CTNNA3: variants seen among roughly 807,000 people sequenced by gnomAD.
CTNNA3 encodes the protein catenin alpha-3.
Under a neutral mutation model 95.7 loss-of-function variants are expected in CTNNA3, and 76 were observed. The ratio of observed to expected loss-of-function variants is 0.79; its 90% confidence interval spans 0.66 to 0.96. The LOEUF is 0.96. Among genes scored for constraint, CTNNA3 ranks in the 40% least tolerant of loss-of-function variants. CTNNA3 has a pLI of 0.00. For synonymous variants in CTNNA3, 431 were observed against 374.4 expected (o/e 1.15, Z -1.74); for missense variants, 1,191 against 1,089.8 (o/e 1.09, Z -1.31).
chr10:66,619,906 T>C (rs1335904659), intron 10 of CTNNA3, among the ~76,000 whole-genome samples: 13 of 152,034 alleles, frequency 8.6e-5, no homozygotes, highest in Admixed American at 7.9e-4. Context: ...ACAATGGAAA[T>C]ATTTATAAGT....
chr10:67,650,764 A>T (rs572529710), intron 1 of CTNNA3, among the ~76,000 whole-genome samples: 1 of 152,344 alleles, frequency 6.6e-6, no homozygotes, highest in South Asian at 2.1e-4. Context: ...TTACAGCACG[A>T]ACCACGTTGT....
intron 13 of CTNNA3, among the ~76,000 whole-genome samples, chr10:66,255,440 G>C (rs547265505): frequency 2.8e-4 from 42 of 152,176 alleles, no homozygotes; most frequent in African/African-American, 8.7e-4. Context: ...TATATTCAGA[G>C]ACCCCATATG....
intron 14 of CTNNA3, among the ~76,000 whole-genome samples, chr10:66,084,457 A>G (rs2080901995): frequency 1.3e-5 from 2 of 152,312 alleles, no homozygotes; most frequent in South Asian, 4.1e-4. Flanking sequence ...GCAATTTGTA[A>G]TACCTTGAAA....
intron 16 of CTNNA3, among the ~76,000 whole-genome samples, chr10:65,983,814 G>C (rs1335458702): frequency 6.6e-6 from 1 of 151,264 alleles, no homozygotes; most frequent in Non-Finnish European, 1.5e-5. Context: ...CAATGCCAGA[G>C]TAGTGAATTG....
intron 10 of CTNNA3, among the ~76,000 whole-genome samples, chr10:66,603,838 C>A (rs1564562603): frequency 6.6e-6 from 1 of 152,116 alleles, no homozygotes; most frequent in Non-Finnish European, 1.5e-5. Context: ...GAAAGACAGT[C>A]TCTTTAATAA....
At chr10:66,241,078 C>G (rs1426315662) in intron 13 of CTNNA3, among the ~76,000 whole-genome samples, 1 of 151,910 alleles carries the variant, frequency 6.6e-6, no homozygotes, top group Admixed American at 6.6e-5. Flanking sequence ...AAAATGAGCC[C>G]TTCAAACTCA....
chr10:66,447,131 C>T (rs965189998), intron 11 of CTNNA3, among the ~76,000 whole-genome samples: 4 of 151,736 alleles, frequency 2.6e-5, no homozygotes, highest in Non-Finnish European at 5.9e-5. Flanking sequence ...ATGTGAAGGG[C>T]CTCTTCAAGG....
Position 66,425,673 on chromosome 10 carries a change from AAG to A in CTNNA3, c.1532-46323_1532-46322del, listed in dbSNP as rs2093233587. 3.0e-5 allele frequency among the ~76,000 whole-genome samples: 4 copies of A among 133,418 alleles called. No individual in the cohort carries two copies. In the South Asian group the frequency reaches 8.0e-4, roughly 27 times the overall value. 87.5% of individuals were successfully genotyped at this position (133,418 alleles called of 152,430 possible). ...TTTAATGTGCTACATTCTTCATATA[AAG>A]ATATATATATATACACACACACACA... On this transcript the variant is annotated intron_variant, in intron 11 of 17. Transcript: ENST00000433211.
intron 1 of CTNNA3, among the ~76,000 whole-genome samples, chr10:67,736,222 T>C (rs1314769034): frequency 7.2e-5 from 11 of 152,018 alleles, no homozygotes; most frequent in Admixed American, 7.2e-4. Context: ...ATTCCACTTA[T>C]ATGAGAGACC....
At chr10:66,569,062 T>A (rs1842791910) in intron 10 of CTNNA3, among the ~76,000 whole-genome samples, 1 of 151,940 alleles carries the variant, frequency 6.6e-6, no homozygotes, top group Non-Finnish European at 1.5e-5. Flanking sequence ...AGGAAGAAGC[T>A]AGAGAATAAA....
At chr10:66,146,511 A>G (rs2083893522) in intron 13 of CTNNA3, among the ~76,000 whole-genome samples, 1 of 152,146 alleles carries the variant, frequency 6.6e-6, no homozygotes, top group African/African-American at 2.4e-5. Flanking sequence ...AGACAATAGG[A>G]TAAGACAAAT....
At chr10:67,088,149 G>C (rs1857416443) in intron 7 of CTNNA3, among the ~76,000 whole-genome samples, 2 of 151,462 alleles carry the variant, frequency 1.3e-5, no homozygotes, top group Admixed American at 1.3e-4. Context: ...GGGGAGATAA[G>C]AAATGCTTTT....
chr10:66,391,175 A>G, intron 11 of CTNNA3, among the ~76,000 whole-genome samples: 1 of 152,092 alleles, frequency 6.6e-6, no homozygotes, highest in Admixed American at 6.6e-5. Flanking sequence ...AGACAGCTCG[A>G]ATTTAGTTGA....
chr10:66,717,009 G>T (rs1463827258), intron 9 of CTNNA3, among the ~76,000 whole-genome samples: 1 of 150,628 alleles, frequency 6.6e-6, no homozygotes, highest in Non-Finnish European at 1.5e-5. Flanking sequence ...CAGTAAGTTG[G>T]AAGCCATAAA....
intron 7 of CTNNA3, among the ~76,000 whole-genome samples, chr10:66,918,617 A>G (rs1455526275): frequency 6.6e-6 from 1 of 152,244 alleles, no homozygotes; most frequent in Non-Finnish European, 1.5e-5. Flanking sequence ...GTGGCATCCA[A>G]CACATCAATG....
intron 11 of CTNNA3, among the ~76,000 whole-genome samples, chr10:66,445,872 A>C (rs1177865060): frequency 2.0e-5 from 3 of 152,182 alleles, no homozygotes; most frequent in Admixed American, 6.5e-5. Flanking sequence ...TCAAAAAATT[A>C]ATGAATCCAG....
intron 5 of CTNNA3, among the ~76,000 whole-genome samples, chr10:67,444,799 G>A (rs1330100413): frequency 6.6e-6 from 1 of 151,876 alleles, no homozygotes; most frequent in Non-Finnish European, 1.5e-5. Context: ...AAATCTAAAG[G>A]AAATGGAAAA....
chr10:67,673,395 A>G (rs1216669741), intron 1 of CTNNA3, among the ~76,000 whole-genome samples: 5 of 150,384 alleles, frequency 3.3e-5, no homozygotes, highest in Non-Finnish European at 7.4e-5. Context: ...TTCCAACACT[A>G]TGTTGAATAG....
At chr10:67,632,515 A>G (rs1839177872) in intron 2 of CTNNA3, among the ~76,000 whole-genome samples, 1 of 152,132 alleles carries the variant, frequency 6.6e-6, no homozygotes, top group Admixed American at 6.5e-5. Context: ...GACTAGGCAA[A>G]CAATTTGACC....
Sources: allele counts gnomAD v4.1 joint callset (sites outside exome capture counted in the v4.1 genomes callset), GRCh38; gene constraint gnomAD v4.1.1; transcripts MANE v1.5; gene names NCBI Gene and HGNC (gene_info 2026-07-23, HGNC 2026-07-21).